Variants in BRAF observed in about 807,000 individuals in gnomAD.
The protein encoded by BRAF is serine/threonine-protein kinase B-raf.
In BRAF, 16 loss-of-function variants were observed where a neutral mutation model predicts 104.6. That is an observed-to-expected ratio of 0.15 (90% CI 0.10 to 0.23). The LOEUF is 0.23. Among genes scored for constraint, BRAF ranks in the 10% least tolerant of loss-of-function variants. The probability of loss-of-function intolerance (pLI) is 1.00; values close to 1 mark genes in which losing one functional copy is unlikely to be tolerated. For synonymous variants in BRAF, 310 were observed against 341.6 expected (o/e 0.91, Z 1.02); for missense variants, 541 against 937.3 (o/e 0.58, Z 5.52).
chr7:140,720,704 T>C lies in BRAF; in HGVS notation c.*5790A>G, dbSNP rs2130817184. The C allele has an allele frequency of 1.9e-6, 2 of 1,065,924 alleles. No individual in the cohort carries two copies. The highest frequency in any genetic ancestry group is 9.1e-5 in the South Asian group (2 of 21,982). 66.0% of individuals were successfully genotyped at this position (1,065,924 alleles called of 1,614,324 possible). A position where few individuals can be genotyped will look rare whatever the true frequency, so the allele number is the denominator to read the frequency against. On this transcript the variant is annotated 3_prime_UTR_variant, in exon 20 of 20. Transcript: ENST00000644969. ...GGTCTCTGTTCTCTACATCTGTGCCTACTCTGTGAGCTTTGTTGTTTATGC... is the reference window on the plus strand; with the variant it reads ...GGTCTCTGTTCTCTACATCTGTGCCCACTCTGTGAGCTTTGTTGTTTATGC...
intron 1 of BRAF, among the ~76,000 whole-genome samples, chr7:140,902,375 A>T (rs1815749219): frequency 6.6e-6 from 1 of 152,230 alleles, no homozygotes; most frequent in African/African-American, 2.4e-5. Context: ...CTACTGCCCT[A>T]ACCCCTTCTT....
chr7:140,717,163 C>G (rs1356007567), downstream of BRAF, among the ~76,000 whole-genome samples: 2 of 152,200 alleles, frequency 1.3e-5, no homozygotes, highest in African/African-American at 4.8e-5. Flanking sequence ...AATTATATAT[C>G]TGTAATATAT....
rs910221949 is a variant in BRAF at position 140,903,854 on chromosome 7, T to C, written c.138+20712A>G. ...ATGGAGGAAGGAACTGTAGGTGTAG[T>C]AGAAGCAGCAGAAGAACTACATTTA... On this transcript the variant is annotated intron_variant, in intron 1 of 19. Transcript: ENST00000644969. Among the ~76,000 whole-genome samples, 17 of 152,272 alleles carry C rather than the reference T, an allele frequency of 1.1e-4. No homozygotes were observed. The East Asian group carries it at 2.5e-3, about 22-fold the overall frequency.
At chr7:140,786,727 T>A (rs142431020) in intron 9 of BRAF, among the ~76,000 whole-genome samples, 1 of 152,304 alleles carries the variant, frequency 6.6e-6, no homozygotes, top group East Asian at 1.9e-4. Flanking sequence ...TTGAAGGAAG[T>A]GGTTGATAAT....
At chr7:140,888,567 T>A (rs1464671692) in intron 1 of BRAF, among the ~76,000 whole-genome samples, 1 of 152,158 alleles carries the variant, frequency 6.6e-6, no homozygotes, top group African/African-American at 2.4e-5. Flanking sequence ...GCGGGTGCAG[T>A]GGCTCACACC....
At chr7:140,827,636 C>A (rs1806208118) in intron 3 of BRAF, among the ~76,000 whole-genome samples, 1 of 152,212 alleles carries the variant, frequency 6.6e-6, no homozygotes, top group Admixed American at 6.5e-5. Flanking sequence ...CTTTGTGACA[C>A]AGGCTGAAGG....
chr7:140,901,808 A>T (rs1454494099), intron 1 of BRAF, among the ~76,000 whole-genome samples: 2 of 152,104 alleles, frequency 1.3e-5, no homozygotes, highest in African/African-American at 4.8e-5. Context: ...CTTTTCTGTG[A>T]TTCTTCTGCA....
chr7:140,843,881 C>T (rs1203052087), intron 2 of BRAF, among the ~76,000 whole-genome samples: 12 of 151,752 alleles, frequency 7.9e-5, no homozygotes, highest in Non-Finnish European at 1.3e-4. Flanking sequence ...TGGTGGCGGG[C>T]GCCTGTAGTC....
chr7:140,774,823 C>T (rs1324556651), intron 14 of BRAF, among the ~76,000 whole-genome samples: 1 of 152,190 alleles, frequency 6.6e-6, no homozygotes, highest in Admixed American at 6.5e-5. Flanking sequence ...AGCCACATTT[C>T]TCAGCTGTGA....
intron 19 of BRAF, chr7:140,734,467 A>G: frequency 6.3e-7 from 1 of 1,583,214 alleles, no homozygotes. Context: ...CTAGTCTTTA[A>G]CCACACAAGT....
At position 140,920,890 on chromosome 7, in the gene BRAF, T is replaced by C. The variant is rs796269007; in HGVS notation, c.138+3676A>G. On this transcript the variant is annotated intron_variant, in intron 1 of 19. Coordinates refer to ENST00000644969, the MANE Select transcript of BRAF (RefSeq NM_001374258.1). Reference sequence around the variant, plus strand: ...ATATCTGTATAAGTATTAACAGCAATAGCCAAAACTGCACAAGCACCTGCA... The same window carrying C: ...ATATCTGTATAAGTATTAACAGCAACAGCCAAAACTGCACAAGCACCTGCA... 3.3e-5 allele frequency among the ~76,000 whole-genome samples: 5 copies of C among 152,194 alleles called. No homozygotes were observed. The South Asian group carries it at 1.0e-3, about 31-fold the overall frequency.
intron 3 of BRAF, chr7:140,834,377 T>C (rs1400458878): frequency 4.7e-6 from 3 of 639,704 alleles, no homozygotes; most frequent in Middle Eastern, 4.2e-4. Context: ...TGGTTCAAGT[T>C]TGGCAGACAG....
intron 1 of BRAF, among the ~76,000 whole-genome samples, chr7:140,896,182 T>C (rs1471897127): frequency 8.5e-5 from 13 of 152,194 alleles, no homozygotes; most frequent in African/African-American, 3.1e-4. Context: ...GGCCAGATGA[T>C]ACCACACTGT....
intron 14 of BRAF, among the ~76,000 whole-genome samples, chr7:140,759,202 T>C (rs983634243): frequency 1.3e-5 from 2 of 152,246 alleles, no homozygotes. Context: ...TGTTGACTGA[T>C]GGTTTCATTT....
chr7:140,919,123 C>T (rs377182700), intron 1 of BRAF, among the ~76,000 whole-genome samples: 8 of 139,654 alleles, frequency 5.7e-5, no homozygotes, highest in Non-Finnish European at 1.1e-4. Flanking sequence ...CTCCAGTCTG[C>T]GAGACAGAGC....
chr7:140,813,881 G>A lies in BRAF; in HGVS notation c.505-4886C>T, dbSNP rs533144894. 1.7e-4 allele frequency among the ~76,000 whole-genome samples: 26 copies of A among 149,920 alleles called. No individual in the cohort carries two copies. In the East Asian group the frequency reaches 4.5e-3, roughly 26 times the overall value. ...TACACACATGCACATGCATGCGGAC[G>A]CATACATACACACACACACACACAC... On this transcript the variant is annotated intron_variant, in intron 3 of 19. Coordinates refer to ENST00000644969, the MANE Select transcript of BRAF (RefSeq NM_001374258.1).
intron 14 of BRAF, among the ~76,000 whole-genome samples, chr7:140,774,120 A>G (rs986223623): frequency 6.6e-6 from 1 of 152,222 alleles, no homozygotes; most frequent in Non-Finnish European, 1.5e-5. Context: ...AAGAGAAAAG[A>G]AACTATATCC....
intron 1 of BRAF, among the ~76,000 whole-genome samples, chr7:140,896,362 C>A (rs1814896514): frequency 6.6e-6 from 1 of 152,056 alleles, no homozygotes; most frequent in Non-Finnish European, 1.5e-5. Flanking sequence ...CAAAAAGATT[C>A]TCGCAAATAA....
At chr7:140,779,065 C>T (rs1024238827) in intron 12 of BRAF, among the ~76,000 whole-genome samples, 1 of 152,156 alleles carries the variant, frequency 6.6e-6, no homozygotes, top group African/African-American at 2.4e-5. Flanking sequence ...CAACTTCACA[C>T]AACAATATAG....
Sources: gnomAD v4.1 joint callset for allele counts (sites outside exome capture counted in the v4.1 genomes callset) on GRCh38, gnomAD v4.1.1 for gene constraint, MANE v1.5 for transcripts, NCBI Gene and HGNC (gene_info 2026-07-23, HGNC 2026-07-21) for gene names.